Variants in ATG7 observed in about 807,000 individuals in gnomAD.
ATG7 encodes the protein autophagy related 7, also known as ubiquitin-like modifier-activating enzyme ATG7.
In ATG7, 70 loss-of-function variants were observed where a neutral mutation model predicts 82.4. The ratio of observed to expected loss-of-function variants is 0.85; its 90% CI spans 0.70 to 1.04. The LOEUF is 1.04. Among genes scored for constraint, ATG7 ranks in the 50% least tolerant of loss-of-function variants. The probability of loss-of-function intolerance (pLI) is 0.00; values close to 1 mark genes in which losing one functional copy is unlikely to be tolerated. For synonymous variants in ATG7, 287 were observed against 313.0 expected, an observed-to-expected ratio of 0.92 and a Z score of 0.88; for missense variants, 792 against 864.3, an observed-to-expected ratio of 0.92 and a Z score of 1.05.
chr3:11,348,107 G>A (rs1371955459), intron 14 of ATG7, 72 bp downstream of exon 14: 60 of 1,510,294 alleles, frequency 4.0e-5, no homozygotes, highest in Non-Finnish European at 5.3e-5. Context: ...TGAGGCCTGT[G>A]GCATTGAAGA....
intron 20 of ATG7, among the ~76,000 whole-genome samples, chr3:11,504,163 G>C (rs897048032): frequency 2.6e-5 from 4 of 152,118 alleles, no homozygotes; most frequent in Admixed American, 1.3e-4. Context: ...GGGGAAAAAA[G>C]TTGATATACA....
At chr3:11,469,647 GC>G (rs1209757361) in intron 20 of ATG7, among the ~76,000 whole-genome samples, 1 of 152,006 alleles carries the variant, frequency 6.6e-6, no homozygotes, top group African/African-American at 2.4e-5. Flanking sequence ...TTCTCAGTTA[GC>G]CCTGTCCACT....
At chr3:11,441,055 T>C (rs2083900727) in intron 20 of ATG7, among the ~76,000 whole-genome samples, 1 of 152,200 alleles carries the variant, frequency 6.6e-6, no homozygotes, top group Non-Finnish European at 1.5e-5. Flanking sequence ...ATCTTATTGT[T>C]GCAGGACAAA....
chr3:11,438,124 C>A (rs952916483), intron 20 of ATG7, among the ~76,000 whole-genome samples: 1 of 152,138 alleles, frequency 6.6e-6, no homozygotes, highest in African/African-American at 2.4e-5. Flanking sequence ...GACACAATTA[C>A]CCTATTAGGC....
In ATG7 at chr3:11,422,206, T is replaced by C. The variant is rs147262513; in HGVS notation, c.1957-4598T>C. Reference sequence around the variant, plus strand: ...GAAGCTTTAAAGCCAGGCATTGACTTCTCCTCTGTAGCTACGAAAGTCCTA... The same window carrying C: ...GAAGCTTTAAAGCCAGGCATTGACTCCTCCTCTGTAGCTACGAAAGTCCTA... On this transcript the variant is annotated intron_variant, in intron 19 of 20. Transcript: ENST00000693202. Among the ~76,000 whole-genome samples the C allele has an allele frequency of 1.3e-5, 2 of 152,326 alleles. 1 individual carries two copies. The highest frequency in any genetic ancestry group is 2.9e-5 in the Non-Finnish European group (2 of 68,022).
At chr3:11,490,145 A>T (rs141867212) in intron 20 of ATG7, among the ~76,000 whole-genome samples, 14,541 of 152,060 alleles carry the variant, frequency 0.096, 1,308 homozygotes, top group African/African-American at 0.24. Context: ...GACTTGCTTT[A>T]TGAATCTAGG....
intron 9 of ATG7, among the ~76,000 whole-genome samples, chr3:11,316,137 C>T (rs1346651321): frequency 6.6e-6 from 1 of 152,134 alleles, no homozygotes; most frequent in East Asian, 1.9e-4. Context: ...CCTCATATCA[C>T]ACTCCTGGAC....
chr3:11,402,090 G>GA (rs1409018954), intron 19 of ATG7, among the ~76,000 whole-genome samples: 1 of 152,110 alleles, frequency 6.6e-6, no homozygotes, highest in African/African-American at 2.4e-5. Context: ...CAGGAGAATA[G>GA]AAAATTCCAG....
intron 20 of ATG7, among the ~76,000 whole-genome samples, chr3:11,470,154 CT>C (rs775512127): frequency 2.0e-5 from 3 of 152,130 alleles, no homozygotes; most frequent in Non-Finnish European, 4.4e-5. Flanking sequence ...GTGAGTATGT[CT>C]TTGTTTTCTA....
intron 20 of ATG7, among the ~76,000 whole-genome samples, chr3:11,429,686 G>A (rs1185724889): frequency 6.6e-6 from 1 of 151,306 alleles, no homozygotes; most frequent in Non-Finnish European, 1.5e-5. Context: ...GGTGGCTCAT[G>A]CCTCTAATCC....
intron 2 of ATG7, among the ~76,000 whole-genome samples, chr3:11,281,697 G>T (rs1381755921): frequency 2.0e-5 from 3 of 151,048 alleles, no homozygotes; most frequent in African/African-American, 4.9e-5. Flanking sequence ...TTGCTTGAAC[G>T]TGGGAGGCAG....
the ATG7 span, among the ~76,000 whole-genome samples, chr3:11,573,296 AAAGAAAGAAAGG>A: frequency 2.8e-3 from 32 of 11,344 alleles, no homozygotes; most frequent in East Asian, 0.011. Context: ...AGAAAGAAAG[AAAGAAAGAAAGG>A]AAGGAAGGAA....
intron 20 of ATG7, among the ~76,000 whole-genome samples, chr3:11,480,384 A>C (rs898131819): frequency 2.0e-5 from 3 of 152,180 alleles, no homozygotes; most frequent in African/African-American, 7.2e-5. Context: ...AAAAACATTT[A>C]AGATTGGCTG....
chr3:11,343,270 A>T (rs545895336), intron 13 of ATG7, among the ~76,000 whole-genome samples: 1 of 152,322 alleles, frequency 6.6e-6, no homozygotes, highest in Admixed American at 6.5e-5. Flanking sequence ...AAAATGTTAC[A>T]CATATGAGAC....
chr3:11,407,286 G>A (rs887633811), intron 19 of ATG7, among the ~76,000 whole-genome samples: 2 of 152,218 alleles, frequency 1.3e-5, no homozygotes, highest in African/African-American at 4.8e-5. Flanking sequence ...AGGTCATGCT[G>A]ATGCAAGAGG....
chr3:11,318,293 G>T (rs891648533), intron 9 of ATG7, among the ~76,000 whole-genome samples: 1 of 152,180 alleles, frequency 6.6e-6, no homozygotes, highest in Non-Finnish European at 1.5e-5. Context: ...CAGAAATTTT[G>T]AGATACAGTT....
intron 14 of ATG7, among the ~76,000 whole-genome samples, chr3:11,353,487 A>G (rs964364112): frequency 1.3e-5 from 2 of 152,194 alleles, no homozygotes; most frequent in Non-Finnish European, 2.9e-5. Flanking sequence ...TAGTAAATTC[A>G]TAGGAAATGA....
Position 11,310,731 on chromosome 3 carries a change from C to G in ATG7, c.411+1670C>G, listed in dbSNP as rs574919157. 2.0e-4 allele frequency among the ~76,000 whole-genome samples: 31 copies of G among 151,544 alleles called. No individual in the cohort carries two copies. In the South Asian group the frequency reaches 3.5e-3, roughly 17 times the overall value. On this transcript the variant is annotated intron_variant, in intron 7 of 20. Transcript: ENST00000693202. ...CACTGCAAGCTCTGCCTCCCAGGTT[C>G]ATGCCATTCTCCTGCCTCAGCCTCC...
intron 20 of ATG7, among the ~76,000 whole-genome samples, chr3:11,473,510 T>A (rs2087778524): frequency 6.6e-6 from 1 of 152,212 alleles, no homozygotes; most frequent in African/African-American, 2.4e-5. Flanking sequence ...GGGATTCAGT[T>A]CTGAGTCTAC....
Sources: gnomAD v4.1 joint callset for allele counts (sites outside exome capture counted in the v4.1 genomes callset) on GRCh38, gnomAD v4.1.1 for gene constraint, MANE v1.5 for transcripts, NCBI Gene and HGNC (gene_info 2026-07-23, HGNC 2026-07-21) for gene names.